PRICKLE2: variants seen among roughly 807,000 people sequenced by gnomAD.
PRICKLE2 encodes prickle planar cell polarity protein 2.
A neutral mutation model predicts 81.4 loss-of-function variants in PRICKLE2; 21 were observed. The observed-to-expected ratio is 0.26, with a 90% confidence interval of 0.18 to 0.37. The LOEUF is 0.37. PRICKLE2 is among the 10% of genes least tolerant of loss of function. The pLI, the probability that PRICKLE2 is intolerant of heterozygous loss-of-function variation, is 1.00. For synonymous variants in PRICKLE2, 456 were observed against 421.5 expected (o/e 1.08, Z -1.00); for missense variants, 940 against 1,109.0 (o/e 0.85, Z 2.16).
chr3:64,126,896 C>T (rs947483681), intron 7 of PRICKLE2, among the ~76,000 whole-genome samples: 4 of 152,272 alleles, frequency 2.6e-5, no homozygotes, highest in African/African-American at 9.6e-5. Context: ...GTTTCTTAAC[C>T]TCACTAAGCC....
chr3:64,208,496 T>G (rs1336583768), intron 1 of PRICKLE2, among the ~76,000 whole-genome samples: 1 of 152,098 alleles, frequency 6.6e-6, no homozygotes, highest in East Asian at 1.9e-4. Context: ...CAAATGGGAA[T>G]GTTCCAAGAG....
upstream of PRICKLE2, among the ~76,000 whole-genome samples, chr3:64,229,512 C>A (rs2079071969): frequency 6.6e-6 from 1 of 152,150 alleles, no homozygotes; most frequent in African/African-American, 2.4e-5. Flanking sequence ...CATTTAAAAT[C>A]TTTCTTGGAC....
chr3:64,170,704 A>T (rs2077914218), intron 2 of PRICKLE2, among the ~76,000 whole-genome samples: 1 of 74,944 alleles, frequency 1.3e-5, no homozygotes, highest in African/African-American at 6.3e-5. Flanking sequence ...TAGAAACATT[A>T]AAAAAAAAAA....
At chr3:64,221,420 TACACACACACAC>T (rs71808412) in intron 1 of PRICKLE2, among the ~76,000 whole-genome samples, 12 of 143,828 alleles carry the variant, frequency 8.3e-5, no homozygotes, top group African/African-American at 1.5e-4. Flanking sequence ...GCTTGATTCA[TACACACACACAC>T]ACACACACAC....
At chr3:64,246,569 G>C (rs545439854) in intron 2 of PRICKLE2, among the ~76,000 whole-genome samples, 2 of 152,302 alleles carry the variant, frequency 1.3e-5, no homozygotes, top group Non-Finnish European at 2.9e-5. Flanking sequence ...CATCTGGAAG[G>C]CTTGTTAAAT....
chr3:64,139,335 A>T (rs1331204548), intron 7 of PRICKLE2, among the ~76,000 whole-genome samples: 1 of 152,260 alleles, frequency 6.6e-6, no homozygotes, highest in Non-Finnish European at 1.5e-5. Context: ...CACAGAGTAG[A>T]CCAACCTTTA....
chr3:64,246,977 G>A (rs1211706453), intron 2 of PRICKLE2, among the ~76,000 whole-genome samples: 31 of 152,252 alleles, frequency 2.0e-4, no homozygotes, highest in Admixed American at 1.7e-3. Flanking sequence ...AGGAAGCTCC[G>A]AAATACAGCC....
intron 3 of PRICKLE2, among the ~76,000 whole-genome samples, chr3:64,160,440 A>G (rs1362952675): frequency 6.6e-6 from 1 of 152,200 alleles, no homozygotes; most frequent in East Asian, 1.9e-4. Flanking sequence ...CCTTCTTCCA[A>G]ACTGCAGGAA....
At chr3:64,239,767 C>T (rs896916581) in intron 2 of PRICKLE2, among the ~76,000 whole-genome samples, 3 of 151,828 alleles carry the variant, frequency 2.0e-5, no homozygotes, top group East Asian at 1.9e-4. Flanking sequence ...GTGTAAGCAT[C>T]CGTCTAATTT....
At chr3:64,101,282 G>A (rs2076657308) in intron 7 of PRICKLE2, 1 of 152,162 alleles carries the variant, frequency 6.6e-6, no homozygotes, top group Non-Finnish European at 1.5e-5. Context: ...TAATAGCCCA[G>A]AAACGGAAAC....
At position 64,196,517 on chromosome 3, in the gene PRICKLE2, C is replaced by T. The variant is rs557072536; in HGVS notation, c.144+2267G>A. On this transcript the variant is annotated intron_variant, in intron 2 of 7. Coordinates refer to ENST00000638394, the MANE Select transcript of PRICKLE2 (RefSeq NM_198859.4). ...GAGTGTCTAAACAAACTCAATCAAA[C>T]ACTCTCGTTCTTCTTAAACTAATTA... is the stretch of plus-strand genomic sequence containing the variant. Among the ~76,000 whole-genome samples, 366 of 152,310 alleles carry T rather than the reference C, an allele frequency of 2.4e-3. 1 individual carries two copies. The highest frequency in any genetic ancestry group is 8.3e-3 in the African/African-American group (347 of 41,562).
At chr3:64,222,287 C>T (rs1334501473) in intron 1 of PRICKLE2, among the ~76,000 whole-genome samples, 6 of 152,168 alleles carry the variant, frequency 3.9e-5, no homozygotes, top group South Asian at 2.1e-4. Context: ...TATTATTCTC[C>T]GTGCAAAACA....
In PRICKLE2 at chr3:64,179,248, G is replaced by A. The variant is rs561224726; in HGVS notation, c.145-16119C>T. Among the ~76,000 whole-genome samples the A allele has an allele frequency of 4.6e-5, 7 of 151,802 alleles. No individual in the cohort carries two copies. In the South Asian group the frequency reaches 8.4e-4, roughly 18 times the overall value. ...TGTACCACCATGCCTGGCTAATTTCGTATTTTTAGTAGAGATGGGGTTTCT... is the reference window on the plus strand; with the variant it reads ...TGTACCACCATGCCTGGCTAATTTCATATTTTTAGTAGAGATGGGGTTTCT... On this transcript the variant is annotated intron_variant, in intron 2 of 7. Coordinates refer to ENST00000638394, the MANE Select transcript of PRICKLE2 (RefSeq NM_198859.4).
At chr3:64,148,738 C>T (rs2077497034) in intron 6 of PRICKLE2, among the ~76,000 whole-genome samples, 1 of 152,158 alleles carries the variant, frequency 6.6e-6, no homozygotes, top group African/African-American at 2.4e-5. Flanking sequence ...CTGTTTGCTC[C>T]TTCCACTATA....
intron 7 of PRICKLE2, among the ~76,000 whole-genome samples, chr3:64,133,172 G>A (rs1176054186): frequency 6.6e-6 from 1 of 152,170 alleles, no homozygotes; most frequent in Non-Finnish European, 1.5e-5. Context: ...GCTTCAGAAG[G>A]CAGAAAGTGA....
intron 2 of PRICKLE2, among the ~76,000 whole-genome samples, chr3:64,182,350 G>T (rs1011465856): frequency 2.6e-5 from 4 of 152,146 alleles, no homozygotes; most frequent in East Asian, 1.9e-4. Flanking sequence ...AGCTGGGAGT[G>T]GTTGTGCGCA....
intron 1 of PRICKLE2, among the ~76,000 whole-genome samples, chr3:64,215,439 T>C (rs1381268806): frequency 2.0e-5 from 3 of 152,174 alleles, no homozygotes; most frequent in Non-Finnish European, 4.4e-5. Context: ...GTGTCTAAAA[T>C]ACCTTTTCCC....
intron 1 of PRICKLE2, among the ~76,000 whole-genome samples, chr3:64,209,630 C>T (rs1468024343): frequency 6.6e-6 from 1 of 152,214 alleles, no homozygotes; most frequent in Non-Finnish European, 1.5e-5. Context: ...AACCAACTGC[C>T]CACCCACTCA....
At chr3:64,202,448 T>C (rs829525) in intron 1 of PRICKLE2, among the ~76,000 whole-genome samples, 29,324 of 152,146 alleles carry the variant, frequency 0.19, 3,321 homozygotes, top group East Asian at 0.48. Context: ...TTGTGGTTTT[T>C]AGGCACAAGG....
Sources: allele counts gnomAD v4.1 joint callset (sites outside exome capture counted in the v4.1 genomes callset), GRCh38; gene constraint gnomAD v4.1.1; transcripts MANE v1.5; gene names NCBI Gene and HGNC (gene_info 2026-07-23, HGNC 2026-07-21).